CPQ: variants seen among roughly 807,000 people sequenced by gnomAD.
CPQ encodes the protein carboxypeptidase Q.
Under a neutral mutation model 45.7 loss-of-function variants are expected in CPQ, and 37 were observed. The ratio of observed to expected loss-of-function variants is 0.81; its 90% CI spans 0.62 to 1.07. CPQ has a LOEUF of 1.07. CPQ is among the 50% of genes least tolerant of loss of function. CPQ has a pLI of 0.00. For missense variants in CPQ, 537 were observed against 572.9 expected, an observed-to-expected ratio of 0.94 and a Z score of 0.64; for synonymous variants, 186 against 205.8, an observed-to-expected ratio of 0.90 and a Z score of 0.82.
chr8:96,763,431 C>T (rs1358804306), intron 1 of CPQ, among the ~76,000 whole-genome samples: 5 of 152,072 alleles, frequency 3.3e-5, no homozygotes, highest in African/African-American at 7.2e-5. Context: ...CTCCCTGTTT[C>T]GTTCCACTGA....
chr8:96,929,523 C>T (rs1035004045), intron 4 of CPQ, among the ~76,000 whole-genome samples: 1 of 152,124 alleles, frequency 6.6e-6, no homozygotes, highest in South Asian at 2.1e-4. Flanking sequence ...TGTGATACCC[C>T]CTCCTGTTAC....
At chr8:96,908,777 A>ACACACACACACACC (rs147900019) in intron 4 of CPQ, among the ~76,000 whole-genome samples, 225 of 150,266 alleles carry the variant, frequency 1.5e-3, no homozygotes, top group Non-Finnish European at 2.4e-3. Flanking sequence ...ACACACACAC[A>ACACACACACACACC]CCATATATTC....
At chr8:96,740,859 G>T (rs1329749300) in intron 1 of CPQ, among the ~76,000 whole-genome samples, 1 of 152,124 alleles carries the variant, frequency 6.6e-6, no homozygotes, top group African/African-American at 2.4e-5. Context: ...GCTGGATTCG[G>T]TTTGCTAGTA....
chr8:96,884,657 G>A (rs1812275236), intron 4 of CPQ, among the ~76,000 whole-genome samples: 1 of 152,158 alleles, frequency 6.6e-6, no homozygotes, highest in South Asian at 2.1e-4. Flanking sequence ...GTATGATGGT[G>A]AAAGGCAATG....
At chr8:96,896,803 G>A (rs1050135196) in intron 4 of CPQ, among the ~76,000 whole-genome samples, 1 of 152,150 alleles carries the variant, frequency 6.6e-6, no homozygotes, top group African/African-American at 2.4e-5. Flanking sequence ...GAACATAAAT[G>A]AATGAATGAA....
chr8:97,089,115 C>A (rs201590837), intron 7 of CPQ, among the ~76,000 whole-genome samples: 1 of 151,700 alleles, frequency 6.6e-6, no homozygotes, highest in East Asian at 1.9e-4. Context: ...TGGTGGCACA[C>A]GCCTGTAGTC....
intron 1 of CPQ, among the ~76,000 whole-genome samples, chr8:96,686,794 G>A (rs559696484): frequency 1.3e-5 from 2 of 151,932 alleles, no homozygotes; most frequent in East Asian, 1.9e-4. Flanking sequence ...TCAGTATTCC[G>A]CTAGTGAAAC....
rs945935372 is a variant in CPQ at position 97,034,281 on chromosome 8, A to G, written c.1053+4787A>G. 2.6e-5 allele frequency among the ~76,000 whole-genome samples: 4 copies of G among 152,236 alleles called. No homozygotes were observed. The South Asian group carries it at 6.2e-4, about 24-fold the overall frequency. ...ATATCTCACTGTAGTACTATACACT[A>G]GAATATAAATCATTCCTGAGATCCA... is the stretch of plus-strand genomic sequence containing the variant. On this transcript the variant is annotated intron_variant, in intron 6 of 7. Coordinates refer to ENST00000220763, the MANE Select transcript of CPQ (RefSeq NM_016134.4).
chr8:96,892,526 G>C (rs986019390), intron 4 of CPQ, among the ~76,000 whole-genome samples: 1 of 151,910 alleles, frequency 6.6e-6, no homozygotes, highest in Non-Finnish European at 1.5e-5. Flanking sequence ...GTTTCAGGGG[G>C]GTGGGGTTAA....
chr8:96,684,672 A>C (rs1369199193), intron 1 of CPQ, among the ~76,000 whole-genome samples: 1 of 152,072 alleles, frequency 6.6e-6, no homozygotes, highest in Non-Finnish European at 1.5e-5. Context: ...TGGCAGCAAG[A>C]GGGATGGGTT....
intron 1 of CPQ, among the ~76,000 whole-genome samples, chr8:96,663,506 A>C (rs1335915699): frequency 6.6e-6 from 1 of 152,198 alleles, no homozygotes; most frequent in Non-Finnish European, 1.5e-5. Context: ...GACTGTGCCA[A>C]GCTGTGGACC....
intron 5 of CPQ, among the ~76,000 whole-genome samples, chr8:96,995,880 A>T (rs193159192): frequency 8.1e-4 from 123 of 152,094 alleles, no homozygotes; most frequent in African/African-American, 2.4e-3. Context: ...AAGATTTGTG[A>T]CTTTCTAGAT....
At chr8:97,125,155 A>G (rs1203267976) in intron 7 of CPQ, among the ~76,000 whole-genome samples, 1 of 152,172 alleles carries the variant, frequency 6.6e-6, no homozygotes, top group Non-Finnish European at 1.5e-5. Context: ...GATGACATGC[A>G]TAAATTCCTT....
intron 7 of CPQ, among the ~76,000 whole-genome samples, chr8:97,137,292 C>G (rs901008170): frequency 6.6e-6 from 1 of 152,132 alleles, no homozygotes; most frequent in Non-Finnish European, 1.5e-5. Flanking sequence ...GTCTGTCGAC[C>G]ACCATGCCGT....
chr8:97,014,150 A>C (rs1459974083), intron 5 of CPQ, among the ~76,000 whole-genome samples: 1 of 152,216 alleles, frequency 6.6e-6, no homozygotes, highest in Non-Finnish European at 1.5e-5. Flanking sequence ...GGAAGCAGTT[A>C]GTTGGCGATT....
intron 4 of CPQ, among the ~76,000 whole-genome samples, chr8:96,895,931 A>C (rs182031374): frequency 6.6e-6 from 1 of 152,060 alleles, no homozygotes; most frequent in Non-Finnish European, 1.5e-5. Context: ...TTTCATTCCA[A>C]ATTTCTTCTG....
chr8:96,747,116 C>T (rs999347442), intron 1 of CPQ, among the ~76,000 whole-genome samples: 1 of 151,896 alleles, frequency 6.6e-6, no homozygotes, highest in Non-Finnish European at 1.5e-5. Flanking sequence ...CATGTTGAAA[C>T]GCTGTCTCTA....
At chr8:96,968,727 T>C (rs1813613284) in intron 5 of CPQ, among the ~76,000 whole-genome samples, 1 of 152,228 alleles carries the variant, frequency 6.6e-6, no homozygotes, top group Non-Finnish European at 1.5e-5. Context: ...TGGAAATATT[T>C]TTCTAAGATT....
intron 3 of CPQ, among the ~76,000 whole-genome samples, chr8:96,850,018 A>T (rs1249966646): frequency 6.6e-6 from 1 of 152,042 alleles, no homozygotes; most frequent in Non-Finnish European, 1.5e-5. Context: ...TCTCCATCAG[A>T]CTACACCCAG....
Sources: gnomAD v4.1 joint callset for allele counts (sites outside exome capture counted in the v4.1 genomes callset) on GRCh38, gnomAD v4.1.1 for gene constraint, MANE v1.5 for transcripts, NCBI Gene and HGNC (gene_info 2026-07-23, HGNC 2026-07-21) for gene names.